Variants in PLEKHG5 observed in about 807,000 individuals in gnomAD.
PLEKHG5 encodes the protein pleckstrin homology domain-containing family G member 5.
In PLEKHG5, 52 loss-of-function variants were observed where a neutral mutation model predicts 103.8. The ratio of observed to expected loss-of-function variants is 0.50; its 90% CI spans 0.40 to 0.63. The LOEUF (loss-of-function observed/expected upper bound fraction) is 0.63, where lower values mean the gene tolerates loss of function less well. Among genes scored for constraint, PLEKHG5 ranks in the 30% least tolerant of loss-of-function variants. The pLI, the probability that PLEKHG5 is intolerant of heterozygous loss-of-function variation, is 0.00. For missense variants in PLEKHG5, 1,205 were observed against 1,347.6 expected (o/e 0.89, Z 1.66); for synonymous variants, 592 against 575.5 (o/e 1.03, Z -0.41).
chr1:6,496,771 A>C, upstream of PLEKHG5: 2 of 550,140 alleles, frequency 3.6e-6, no homozygotes, highest in Non-Finnish European at 6.3e-6. Context: ...GTCCTCAGGG[A>C]AATTATCCAG....
At chr1:6,485,319 C>G (rs962935466) in intron 1 of PLEKHG5, 1 of 1,414,686 alleles carries the variant, frequency 7.1e-7, no homozygotes, top group Non-Finnish European at 9.2e-7. Context: ...GTCCCGGCCC[C>G]GTACCTGGCT....
chr1:6,472,973 G>A lies in PLEKHG5; in HGVS notation c.984+13C>T. The A allele has an allele frequency of 6.2e-7, 1 of 1,612,534 alleles. No individual in the cohort carries two copies. Among genetic ancestry groups the A allele is most frequent in the Non-Finnish European group, 8.5e-7 (1 of 1,178,650 alleles). ...CGGGACAAGGAGGGAGCAGCACTGT[G>A]GCCCGCACTCACCTCATGCCCATCA... is the stretch of plus-strand genomic sequence containing the variant. On this transcript the variant is annotated intron_variant, in intron 9 of 20. Transcript: ENST00000377728.
intron 1 of PLEKHG5, among the ~76,000 whole-genome samples, chr1:6,488,026 G>A (rs955999803): frequency 6.6e-5 from 10 of 152,174 alleles, no homozygotes; most frequent in African/African-American, 9.7e-5. Flanking sequence ...CTGCCAGACC[G>A]AAGGTCTCTT....
At chr1:6,488,535 C>T (rs1282133935) in intron 1 of PLEKHG5, among the ~76,000 whole-genome samples, 1 of 152,232 alleles carries the variant, frequency 6.6e-6, no homozygotes, top group East Asian at 1.9e-4. Context: ...CACCAGAGGT[C>T]ACCTGAGTGC....
intron 3 of PLEKHG5, 95 bp from the exon 4 acceptor site, chr1:6,475,617 A>C: frequency 9.4e-7 from 1 of 1,062,380 alleles, no homozygotes; most frequent in East Asian, 2.4e-5. Context: ...CCCTTGGCTC[A>C]CCCCAGGTGA....
chr1:6,493,233 C>A (rs1483486150), upstream of PLEKHG5, among the ~76,000 whole-genome samples: 3 of 152,336 alleles, frequency 2.0e-5, no homozygotes, highest in Admixed American at 6.5e-5. Flanking sequence ...TTTGGCCAGC[C>A]AGGGTCACTT....
chr1:6,509,408 T>A (rs1472299606), intron 1 of PLEKHG5, among the ~76,000 whole-genome samples: 1 of 152,206 alleles, frequency 6.6e-6, no homozygotes, highest in Non-Finnish European at 1.5e-5. Flanking sequence ...TACAGCTGTT[T>A]CCTTGAGAGC....
At position 6,468,317 on chromosome 1, in the gene PLEKHG5, A is replaced by G. The variant is rs1644458021; in HGVS notation, c.2519T>C (p.Val840Ala). The change falls in exon 20 of 21, where the codon GTG becomes GCG. Residue 840 changes from valine (V) to alanine (A), a missense_variant. Val to Ala is a moderately conservative substitution (Grantham distance 64). Transcript: ENST00000377728. ...TCGTGGGGACTCTGGGGCCCGAGGC[A>G]CTAGCTCTGCCATTGGGCCTGGGGC... ...FVAPGPMAEL[V>A]PRAPESPRVP... 7 of 1,609,532 alleles carry G rather than the reference A, an allele frequency of 4.3e-6. No individual in the cohort carries two copies. Among genetic ancestry groups the G allele is most frequent in the Admixed American group, 1.7e-5 (1 of 59,436 alleles).
chr1:6,492,550 G>A (rs75783347), upstream of PLEKHG5, among the ~76,000 whole-genome samples: 527 of 152,212 alleles, frequency 3.5e-3, 5 homozygotes, highest in African/African-American at 0.012. Context: ...GGGCAGGTAC[G>A]GAGGGCACAC....
intron 1 of PLEKHG5, among the ~76,000 whole-genome samples, chr1:6,484,490 C>T (rs918106750): frequency 1.6e-4 from 25 of 152,198 alleles, no homozygotes; most frequent in African/African-American, 6.0e-4. Flanking sequence ...TCTGGAAGCC[C>T]CCCGGGAGAA....
intron 1 of PLEKHG5, among the ~76,000 whole-genome samples, chr1:6,480,276 C>G (rs1644865503): frequency 6.6e-6 from 1 of 151,980 alleles, no homozygotes; most frequent in Non-Finnish European, 1.5e-5. Flanking sequence ...TGCCTGTAAT[C>G]CTAGCACTTT....
chr1:6,509,795 G>A (rs1001562872), intron 1 of PLEKHG5, among the ~76,000 whole-genome samples: 3 of 152,226 alleles, frequency 2.0e-5, no homozygotes, highest in Non-Finnish European at 4.4e-5. Context: ...GTTAAGGAGA[G>A]AGCCCCCCAG....
intron 1 of PLEKHG5, chr1:6,485,908 G>A (rs2148614782): frequency 2.0e-6 from 2 of 986,254 alleles, no homozygotes; most frequent in South Asian, 4.7e-5. Flanking sequence ...CGGGCTCAGA[G>A]GGCTCCTCAG....
intron 1 of PLEKHG5, among the ~76,000 whole-genome samples, chr1:6,503,233 T>C (rs1645315514): frequency 6.6e-6 from 1 of 151,958 alleles, no homozygotes. Flanking sequence ...CTGGGCAACA[T>C]AGAGAGACTC....
At chr1:6,508,728 G>C (rs1375314657) in intron 1 of PLEKHG5, among the ~76,000 whole-genome samples, 1 of 152,224 alleles carries the variant, frequency 6.6e-6, no homozygotes, top group Non-Finnish European at 1.5e-5. Flanking sequence ...GCCTCAGGCA[G>C]GCTCTCCACT....
In PLEKHG5 at chr1:6,485,540, C is replaced by T. The variant is rs1437240716; in HGVS notation, c.-88+6097G>A. On this transcript the variant is annotated intron_variant, in intron 1 of 20. Coordinates refer to ENST00000377728, the MANE Select transcript of PLEKHG5 (RefSeq NM_020631.6). ...CGGCCGCGCCCGCCCCCGCCGAGCG[C>T]GGGGACCCCGGGGAGGGCCGGGCCC... 32 of 1,161,484 alleles carry T rather than the reference C, an allele frequency of 2.8e-5. No individual in the cohort carries two copies. The Admixed American group carries it at 1.4e-3, about 49-fold the overall frequency. 71.9% of individuals were successfully genotyped at this position (1,161,484 alleles called of 1,614,324 possible).
At chr1:6,498,792 C>T (rs1300827128), upstream of PLEKHG5, among the ~76,000 whole-genome samples, 1 of 152,252 alleles carries the variant, frequency 6.6e-6, no homozygotes, top group East Asian at 1.9e-4. Context: ...TGCTCATTTC[C>T]CTCTCCGAGT....
At chr1:6,468,919 C>T (rs913027708) in intron 19 of PLEKHG5, 123 bp downstream of exon 19, 43 of 860,010 alleles carry the variant, frequency 5.0e-5, no homozygotes, top group Non-Finnish European at 7.3e-5. Flanking sequence ...GACAGAGCCC[C>T]GCTCCCACAG....
chr1:6,470,260 C>T lies in PLEKHG5; in HGVS notation c.1776G>A (p.Arg592=), dbSNP rs764160775. The change falls in exon 16 of 21, where the codon AGG becomes AGA. Residue 592 remains arginine, a synonymous_variant. Coordinates refer to ENST00000377728, the MANE Select transcript of PLEKHG5 (RefSeq NM_020631.6). ...CCTTGCTGTCCTTCCCCTCCTTCAT[C>T]CTCAGGCTCCCCTCCAGCAGCAGCT... ...TRQLLLEGSL[R]MKEGKDSKMD... 8.7e-6 allele frequency: 14 copies of T among 1,614,014 alleles called. No homozygotes were observed. Among genetic ancestry groups the T allele is most frequent in the Non-Finnish European group, 1.1e-5 (13 of 1,179,986 alleles).
Sources: allele counts gnomAD v4.1 joint callset (sites outside exome capture counted in the v4.1 genomes callset), GRCh38; gene constraint gnomAD v4.1.1; transcripts MANE v1.5; gene names NCBI Gene and HGNC (gene_info 2026-07-23, HGNC 2026-07-21).